Variants in PPARGC1A observed in about 807,000 individuals in gnomAD.
The protein encoded by PPARGC1A is PPARG coactivator 1 alpha, also known as peroxisome proliferator-activated receptor gamma coactivator 1-alpha.
A neutral mutation model predicts 88.7 loss-of-function variants in PPARGC1A; 25 were observed. The observed-to-expected ratio is 0.28, with a 90% confidence interval of 0.21 to 0.39. The LOEUF (loss-of-function observed/expected upper bound fraction) is 0.39. Among genes scored for constraint, PPARGC1A ranks in the 10% least tolerant of loss-of-function variants. The pLI, the probability that PPARGC1A is intolerant of heterozygous loss-of-function variation, is 1.00. For synonymous variants in PPARGC1A, 363 were observed against 355.6 expected, an observed-to-expected ratio of 1.02 and a Z score of -0.24; for missense variants, 880 against 968.7, an observed-to-expected ratio of 0.91 and a Z score of 1.22.
At chr4:24,094,705 C>T in the PPARGC1A span, among the ~76,000 whole-genome samples, 3 of 152,026 alleles carry the variant, frequency 2.0e-5, no homozygotes, top group Non-Finnish European at 2.9e-5. Flanking sequence ...AAACAAAGTA[C>T]GTGTCTCCAA....
At chr4:24,003,001 T>C in the PPARGC1A span, among the ~76,000 whole-genome samples, 26 of 152,324 alleles carry the variant, frequency 1.7e-4, no homozygotes, top group South Asian at 5.0e-3. Flanking sequence ...ATTTATTTAG[T>C]CTGATTCCTC....
At chr4:24,185,487 C>T in the PPARGC1A span, among the ~76,000 whole-genome samples, 1 of 152,134 alleles carries the variant, frequency 6.6e-6, no homozygotes, top group Non-Finnish European at 1.5e-5. Flanking sequence ...CATACACAAT[C>T]AATATGTAGC....
At chr4:24,034,835 G>C in the PPARGC1A span, among the ~76,000 whole-genome samples, 2 of 152,172 alleles carry the variant, frequency 1.3e-5, no homozygotes, top group Admixed American at 6.5e-5. Context: ...GATGCATACA[G>C]AAACCAAAGT....
chr4:23,946,187 C>A, the PPARGC1A span, among the ~76,000 whole-genome samples: 2 of 152,142 alleles, frequency 1.3e-5, no homozygotes, highest in Non-Finnish European at 2.9e-5. Context: ...AAACAGAGCA[C>A]CCATTTTGTC....
chr4:24,329,387 C>T, the PPARGC1A span, among the ~76,000 whole-genome samples: 7 of 152,086 alleles, frequency 4.6e-5, no homozygotes, highest in South Asian at 2.1e-4. Flanking sequence ...TGAGGCCCTG[C>T]GTGATGGGGT....
chr4:24,466,490 C>A, the PPARGC1A span, among the ~76,000 whole-genome samples: 3 of 152,178 alleles, frequency 2.0e-5, no homozygotes, highest in African/African-American at 4.8e-5. Context: ...ACTTAATTCT[C>A]TGTGCTTTGT....
At chr4:24,399,791 C>CTT in the PPARGC1A span, among the ~76,000 whole-genome samples, 222 of 141,632 alleles carry the variant, frequency 1.6e-3, 1 homozygote, top group African/African-American at 5.2e-3. Context: ...AAGGAATCTC[C>CTT]TTTTTTTTTT....
the PPARGC1A span, among the ~76,000 whole-genome samples, chr4:24,274,591 ACTC>A: frequency 6.6e-6 from 1 of 152,010 alleles, no homozygotes; most frequent in East Asian, 1.9e-4. Flanking sequence ...ATGAAGCATT[ACTC>A]CTCCTCTGAT....
At chr4:23,815,070 C>T (rs1469154584) in intron 7 of PPARGC1A, among the ~76,000 whole-genome samples, 1 of 149,544 alleles carries the variant, frequency 6.7e-6, no homozygotes, top group African/African-American at 2.5e-5. Context: ...GCTCAGGGGT[C>T]TTTGTCCAAT....
At chr4:24,386,282 A>G in the PPARGC1A span, among the ~76,000 whole-genome samples, 1 of 152,196 alleles carries the variant, frequency 6.6e-6, no homozygotes, top group African/African-American at 2.4e-5. Context: ...CACAGTCAAT[A>G]TCATACTGAA....
the PPARGC1A span, among the ~76,000 whole-genome samples, chr4:24,449,259 C>T: frequency 2.0e-4 from 31 of 152,306 alleles, no homozygotes; most frequent in East Asian, 6.0e-3. Flanking sequence ...TGAGGGTCTT[C>T]TACCATCTGC....
chr4:24,025,593 C>T, the PPARGC1A span, among the ~76,000 whole-genome samples: 1 of 152,090 alleles, frequency 6.6e-6, no homozygotes, highest in African/African-American at 2.4e-5. Flanking sequence ...CTGCCTGTCA[C>T]CTCTGTCCAC....
the PPARGC1A span, among the ~76,000 whole-genome samples, chr4:24,020,682 T>C: frequency 6.6e-6 from 1 of 151,482 alleles, no homozygotes; most frequent in Non-Finnish European, 1.5e-5. Flanking sequence ...GGAGTGGGTG[T>C]TGAAGGCAGA....
chr4:24,398,231 T>C, the PPARGC1A span, among the ~76,000 whole-genome samples: 2 of 152,198 alleles, frequency 1.3e-5, no homozygotes, highest in Admixed American at 1.3e-4. Flanking sequence ...TGGAAGACTA[T>C]GTCTAACCTG....
At chr4:24,009,553 T>C in the PPARGC1A span, among the ~76,000 whole-genome samples, 1 of 152,236 alleles carries the variant, frequency 6.6e-6, no homozygotes, top group African/African-American at 2.4e-5. Context: ...ATTGCTAGTT[T>C]CTTTCTCATT....
intron 2 of PPARGC1A, among the ~76,000 whole-genome samples, chr4:23,870,153 T>C (rs1215722849): frequency 6.6e-6 from 1 of 152,260 alleles, no homozygotes; most frequent in Non-Finnish European, 1.5e-5. Context: ...TTTGTATATA[T>C]GCCTCACCTA....
At chr4:24,311,423 C>T in the PPARGC1A span, among the ~76,000 whole-genome samples, 1 of 149,676 alleles carries the variant, frequency 6.7e-6, no homozygotes, top group Admixed American at 6.6e-5. Flanking sequence ...ATCACGAGGT[C>T]AGGAGATCGA....
chr4:24,081,251 T>G, the PPARGC1A span, among the ~76,000 whole-genome samples: 1 of 152,070 alleles, frequency 6.6e-6, no homozygotes, highest in Non-Finnish European at 1.5e-5. Context: ...CAAAAAGCAT[T>G]TTGGTCTCAT....
At chr4:23,960,849 T>C in the PPARGC1A span, among the ~76,000 whole-genome samples, 6 of 152,246 alleles carry the variant, frequency 3.9e-5, no homozygotes, top group African/African-American at 1.4e-4. Context: ...CCAGTTTCTC[T>C]GGGAAACTGA....
Sources: gnomAD v4.1 joint callset for allele counts (sites outside exome capture counted in the v4.1 genomes callset) on GRCh38, gnomAD v4.1.1 for gene constraint, MANE v1.5 for transcripts, NCBI Gene and HGNC (gene_info 2026-07-23, HGNC 2026-07-21) for gene names.